PARD3B: variants seen among roughly 807,000 people sequenced by gnomAD.
The protein encoded by PARD3B is partitioning defective 3 homolog B.
A neutral mutation model predicts 130.2 loss-of-function variants in PARD3B; 103 were observed. That is an observed-to-expected ratio of 0.79 (90% CI 0.67 to 0.93). The LOEUF is 0.93. Ranked by LOEUF, PARD3B falls within the 40% of genes least tolerant of loss-of-function variation. The probability of loss-of-function intolerance (pLI) is 0.00; values close to 1 mark genes in which losing one functional copy is unlikely to be tolerated. For missense variants in PARD3B, 1,609 were observed against 1,499.2 expected (o/e 1.07, Z -1.21); for synonymous variants, 583 against 553.2 (o/e 1.05, Z -0.76).
Position 204,840,557 on chromosome 2 carries a change from T to A in PARD3B, c.223-124595T>A, listed in dbSNP as rs2044222791. 3.3e-5 allele frequency among the ~76,000 whole-genome samples: 5 copies of A among 152,056 alleles called. No individual in the cohort carries two copies. The South Asian group carries it at 1.0e-3, about 31-fold the overall frequency. ...CCTTTTTTTTTTTAACTATGGTCCT[T>A]AGACAATAGCTTTCAACTCTCCATA... On this transcript the variant is annotated intron_variant, in intron 2 of 22. Coordinates refer to ENST00000406610, the MANE Select transcript of PARD3B (RefSeq NM_001302769.2).
intron 19 of PARD3B, among the ~76,000 whole-genome samples, chr2:205,433,614 A>G (rs947682961): frequency 6.6e-6 from 1 of 151,822 alleles, no homozygotes; most frequent in Non-Finnish European, 1.5e-5. Context: ...ACAGAGTAAT[A>G]TTCTCTTTTC....
In PARD3B at chr2:205,301,591, G is replaced by A; in HGVS notation, c.2520G>A (p.Lys840=). 2 of 1,613,824 alleles carry A rather than the reference G, an allele frequency of 1.2e-6. No individual in the cohort carries two copies. The highest frequency in any genetic ancestry group is 8.5e-7 in the Non-Finnish European group (1 of 1,179,948). ...KARKVKKTKE[K]EKKKEKGKLK... ...GGAAAGTCAAAAAAACGAAAGAGAA[G>A]GAGAAGAAAAAGGAAAAGGGCAAAT... Residue 840 remains lysine, a synonymous_variant, in exon 18 of 23, where the codon AAG becomes AAA. Coordinates refer to ENST00000406610, the MANE Select transcript of PARD3B (RefSeq NM_001302769.2). This position sits in a 1 kb window ranked among gnomAD's most constrained non-coding sequence, Gnocchi z 5.2.
At position 204,963,734 on chromosome 2, in the gene PARD3B, A is replaced by C. The variant is rs552155892; in HGVS notation, c.223-1418A>C. On this transcript the variant is annotated intron_variant, in intron 2 of 22. Transcript: ENST00000406610. ...AGAATAATCTTTCATTATTATTAAT[A>C]TATTTAAGTCTTATCTCCAATAAGT... Among the ~76,000 whole-genome samples, 377 of 152,280 alleles carry C rather than the reference A, an allele frequency of 2.5e-3. 2 individuals carry two copies. Among genetic ancestry groups the C allele is most frequent in the African/African-American group, 8.1e-3 (336 of 41,564 alleles).
At chr2:205,023,597 G>C (rs1009731404) in intron 3 of PARD3B, among the ~76,000 whole-genome samples, 1 of 126,340 alleles carries the variant, frequency 7.9e-6, no homozygotes, top group African/African-American at 3.1e-5. Flanking sequence ...GACCTTGTTC[G>C]CAGTTCCCAA....
At chr2:205,203,481 A>G (rs187430330) in intron 15 of PARD3B, among the ~76,000 whole-genome samples, 16 of 150,376 alleles carry the variant, frequency 1.1e-4, no homozygotes, top group African/African-American at 3.9e-4. Flanking sequence ...ACTATACTAT[A>G]CTGGGATACA....
At chr2:204,996,549 GC>G (rs1694198448) in intron 3 of PARD3B, among the ~76,000 whole-genome samples, 1 of 151,646 alleles carries the variant, frequency 6.6e-6, no homozygotes, top group Admixed American at 6.6e-5. Context: ...TCTGTGCCCT[GC>G]CCCCAGAGGT....
At position 204,677,014 on chromosome 2, in the gene PARD3B, C is replaced by G. The variant is rs2036583180; in HGVS notation, c.121-9167C>G. ...TCTTTCTTACGCTGAGTTTCTACCTCTCTATCGTCTATGTATCATTTCTAG... is the reference window on the plus strand; with the variant it reads ...TCTTTCTTACGCTGAGTTTCTACCTGTCTATCGTCTATGTATCATTTCTAG... On this transcript the variant is annotated intron_variant, in intron 1 of 22. Transcript: ENST00000406610. The surrounding 1 kb of genome is among the most constrained non-coding windows in gnomAD (Gnocchi z 4.1). Among the ~76,000 whole-genome samples, 1 of 152,102 alleles carries G rather than the reference C, an allele frequency of 6.6e-6. No individual in the cohort carries two copies.
At position 205,160,187 on chromosome 2, in the gene PARD3B, CGCATAATAAATAGTCAT is replaced by C; in HGVS notation, c.1620+1281_1620+1297del. 6.6e-6 allele frequency among the ~76,000 whole-genome samples: 1 copy of C among 152,250 alleles called. No homozygotes were observed. The highest frequency in any genetic ancestry group is 1.5e-5 in the Non-Finnish European group (1 of 68,000). On this transcript the variant is annotated intron_variant, in intron 11 of 22. Transcript: ENST00000406610. The surrounding 1 kb of genome is among the most constrained non-coding windows in gnomAD (Gnocchi z 4.0). ...ACTCCTTGGTTTAGTTAGCTTTTGT[CGCATAATAAATAGTCAT>C]AATTTTTCAGTAATATACACATCAA...
chr2:205,577,863 A>C (rs2053818741), intron 22 of PARD3B, among the ~76,000 whole-genome samples: 1 of 152,320 alleles, frequency 6.6e-6, no homozygotes, highest in Admixed American at 6.5e-5. Flanking sequence ...TTGATTCAGA[A>C]CTACCCATTG....
At chr2:205,074,044 G>T (rs1700896742) in intron 4 of PARD3B, among the ~76,000 whole-genome samples, 1 of 152,096 alleles carries the variant, frequency 6.6e-6, no homozygotes, top group African/African-American at 2.4e-5. Flanking sequence ...AATCTTAGTG[G>T]ACATTTTAAA....
chr2:205,306,340 A>G (rs1007030752), intron 18 of PARD3B, among the ~76,000 whole-genome samples: 3 of 152,132 alleles, frequency 2.0e-5, no homozygotes, highest in Non-Finnish European at 4.4e-5. Context: ...AATTACTTTT[A>G]CTACTTTTAT....
chr2:204,689,700 T>G lies in PARD3B; in HGVS notation c.222+3418T>G, dbSNP rs2037266005. Among the ~76,000 whole-genome samples the G allele has an allele frequency of 6.6e-6, 1 of 152,086 alleles. No homozygotes were observed. Among genetic ancestry groups the G allele is most frequent in the African/African-American group, 2.4e-5 (1 of 41,422 alleles). ...GCAATCCTGAAGACAAGAGCTAGTGTTATCCCTATTTTTAATTTCCAGAAT... is the reference window on the plus strand; with the variant it reads ...GCAATCCTGAAGACAAGAGCTAGTGGTATCCCTATTTTTAATTTCCAGAAT... On this transcript the variant is annotated intron_variant, in intron 2 of 22. Coordinates refer to ENST00000406610, the MANE Select transcript of PARD3B (RefSeq NM_001302769.2). The surrounding 1 kb of genome is among the most constrained non-coding windows in gnomAD (Gnocchi z 5.2).
chr2:205,297,261 AG>A (rs1425586382), intron 16 of PARD3B, among the ~76,000 whole-genome samples: 1 of 152,116 alleles, frequency 6.6e-6, no homozygotes, highest in East Asian at 1.9e-4. Flanking sequence ...CCCTGGTTTT[AG>A]TGAAAGCCTA....
intron 3 of PARD3B, among the ~76,000 whole-genome samples, chr2:205,034,015 G>A (rs919778384): frequency 1.3e-5 from 2 of 152,108 alleles, no homozygotes; most frequent in Non-Finnish European, 2.9e-5. Flanking sequence ...TGTGAATCGT[G>A]TTTATTTTAA....
At position 205,530,557 on chromosome 2, in the gene PARD3B, A is replaced by G. The variant is rs960062736; in HGVS notation, c.3181-22767A>G. Among the ~76,000 whole-genome samples the G allele has an allele frequency of 6.6e-6, 1 of 152,258 alleles. No homozygotes were observed. Among genetic ancestry groups the G allele is most frequent in the South Asian group, 2.1e-4 (1 of 4,824 alleles). On this transcript the variant is annotated intron_variant, in intron 21 of 22. Transcript: ENST00000406610. The surrounding 1 kb of genome is among the most constrained non-coding windows in gnomAD (Gnocchi z 4.7). ...TACAATAGCTAAGGGTTCAGAATCT[A>G]TTACTACAACTGCCAGAGATTTGCC...
chr2:205,444,749 T>C (rs1457674741), intron 20 of PARD3B, among the ~76,000 whole-genome samples: 3 of 152,126 alleles, frequency 2.0e-5, no homozygotes, highest in Admixed American at 6.5e-5. Flanking sequence ...AGAGTGGCAT[T>C]GGAGACAGGA....
intron 2 of PARD3B, among the ~76,000 whole-genome samples, chr2:204,920,024 A>G (rs1357480346): frequency 6.6e-6 from 1 of 152,050 alleles, no homozygotes; most frequent in Non-Finnish European, 1.5e-5. Context: ...AGTCATGTTA[A>G]TTTGGAGACA....
intron 2 of PARD3B, among the ~76,000 whole-genome samples, chr2:204,921,344 A>G (rs900612802): frequency 1.3e-5 from 2 of 152,208 alleles, no homozygotes; most frequent in Admixed American, 1.3e-4. Context: ...CTAACAATCT[A>G]GAGAAATCTG....
chr2:205,132,222 T>C (rs776135740), intron 10 of PARD3B, among the ~76,000 whole-genome samples: 6 of 152,182 alleles, frequency 3.9e-5, no homozygotes, highest in Non-Finnish European at 7.4e-5. Flanking sequence ...AATATTGTGG[T>C]AGAAAACTTT....
Sources: allele counts gnomAD v4.1 joint callset (sites outside exome capture counted in the v4.1 genomes callset), GRCh38; gene constraint gnomAD v4.1.1; non-coding constraint Gnocchi (gnomAD v3.1); transcripts MANE v1.5; gene names NCBI Gene and HGNC (gene_info 2026-07-23, HGNC 2026-07-21).